ZBTB7C: variants seen among roughly 807,000 people sequenced by gnomAD.
The protein encoded by ZBTB7C is zinc finger and BTB domain-containing protein 7C.
A neutral mutation model predicts 25.7 loss-of-function variants in ZBTB7C; 8 were observed. The observed-to-expected ratio is 0.31, with a 90% CI of 0.18 to 0.56. ZBTB7C has a LOEUF of 0.56. Among genes scored for constraint, ZBTB7C ranks in the 20% least tolerant of loss-of-function variants. The probability of loss-of-function intolerance (pLI) is 0.91; values close to 1 mark genes in which losing one functional copy is unlikely to be tolerated. For missense variants in ZBTB7C, 824 were observed against 855.2 expected, an observed-to-expected ratio of 0.96 and a Z score of 0.46; for synonymous variants, 394 against 369.0, an observed-to-expected ratio of 1.07 and a Z score of -0.78.
chr18:48,352,438 G>A (rs1001028329), intron 1 of ZBTB7C, among the ~76,000 whole-genome samples: 5 of 152,172 alleles, frequency 3.3e-5, no homozygotes, highest in African/African-American at 4.8e-5. Flanking sequence ...GGCCCCAAAG[G>A]CCCACTGTTA....
In ZBTB7C at chr18:48,029,792, G is replaced by A. The variant is rs201751816; in HGVS notation, c.1328C>T (p.Thr443Met). Residue 443 changes from threonine (T) to methionine (M), a missense_variant, in exon 5 of 5, where the codon ACG (threonine) becomes ATG (methionine). Physicochemically the swap from Thr to Met is moderately conservative, Grantham distance 81. Transcript: ENST00000590800. ...CTCGCACTGGTAGGGCCGCACGCCC[G>A]TGTGGATGCGCATGTGGTTCTTGAG... ...YDLKNHMRIH[T>M]GVRPYQCEFC... The A allele has an allele frequency of 3.1e-6, 5 of 1,608,724 alleles. No homozygotes were observed. Among genetic ancestry groups the A allele is most frequent in the Non-Finnish European group, 4.2e-6 (5 of 1,180,004 alleles).
At position 48,029,507 on chromosome 18, in the gene ZBTB7C, G is replaced by T; in HGVS notation, c.1613C>A (p.Pro538His). 6.3e-7 allele frequency: 1 copy of T among 1,588,918 alleles called. No individual in the cohort carries two copies. The highest frequency in any genetic ancestry group is 8.5e-7 in the Non-Finnish European group (1 of 1,173,932). Residue 538 changes from proline (P) to histidine (H), a missense_variant, in exon 5 of 5, where the codon CCC becomes CAC. Transcript: ENST00000590800. ...PSPAKHFLAAPKGALSLQELE... is the reference protein window; with the variant it reads ...PSPAKHFLAAHKGALSLQELE... ...CTCTTGCAGGCTCAGGGCGCCCTTG[G>T]GCGCTGCCAGGAAGTGCTTGGCGGG...
At chr18:48,221,530 C>T (rs1464389799) in intron 2 of ZBTB7C, among the ~76,000 whole-genome samples, 2 of 147,882 alleles carry the variant, frequency 1.4e-5, no homozygotes, top group African/African-American at 5.0e-5. Context: ...ATTCTGTCAC[C>T]TAGTCTCCTC....
At chr18:48,150,688 T>C (rs547568592) in intron 3 of ZBTB7C, 23 of 152,134 alleles carry the variant, frequency 1.5e-4, no homozygotes, top group African/African-American at 5.3e-4. Context: ...TCCAAGGCTG[T>C]AGATGCTGTT....
intron 1 of ZBTB7C, among the ~76,000 whole-genome samples, chr18:48,387,024 T>C (rs987767015): frequency 6.6e-6 from 1 of 152,138 alleles, no homozygotes; most frequent in African/African-American, 2.4e-5. Context: ...GTAGGAGGCA[T>C]GTGTGGTGAA....
At chr18:48,180,528 G>T in intron 3 of ZBTB7C, 3 of 362,934 alleles carry the variant, frequency 8.3e-6, no homozygotes, top group Middle Eastern at 9.0e-4. Flanking sequence ...GGGAGGGATG[G>T]TTTCCTTCTC....
At chr18:48,079,648 C>A (rs1289553432) in intron 3 of ZBTB7C, among the ~76,000 whole-genome samples, 2 of 152,228 alleles carry the variant, frequency 1.3e-5, no homozygotes, top group South Asian at 4.1e-4. Flanking sequence ...GAGAAGGCAG[C>A]CAGCTCACCC....
At chr18:48,043,924 G>A (rs1025745808) in intron 3 of ZBTB7C, among the ~76,000 whole-genome samples, 9 of 152,250 alleles carry the variant, frequency 5.9e-5, no homozygotes, top group African/African-American at 2.2e-4. Context: ...GAGAGGAGGG[G>A]GGCGCTTTAC....
intron 2 of ZBTB7C, among the ~76,000 whole-genome samples, chr18:48,206,369 G>A (rs965365295): frequency 3.9e-5 from 6 of 152,182 alleles, no homozygotes; most frequent in African/African-American, 1.4e-4. Flanking sequence ...ATGGTGCTGA[G>A]TCAACTGGAT....
intron 3 of ZBTB7C, among the ~76,000 whole-genome samples, chr18:48,118,280 A>G (rs897667087): frequency 2.6e-5 from 4 of 152,318 alleles, no homozygotes; most frequent in African/African-American, 9.6e-5. Flanking sequence ...TGCTGGGATT[A>G]CAGGCGTGAG....
At chr18:48,201,026 C>T (rs2042432928) in intron 2 of ZBTB7C, among the ~76,000 whole-genome samples, 2 of 152,184 alleles carry the variant, frequency 1.3e-5, no homozygotes, top group South Asian at 4.1e-4. Context: ...ATGTGGGCAT[C>T]GCACCTGCGC....
chr18:48,228,792 C>T (rs980461421), intron 2 of ZBTB7C, among the ~76,000 whole-genome samples: 2 of 151,546 alleles, frequency 1.3e-5, no homozygotes, highest in East Asian at 1.9e-4. Context: ...CATACACACT[C>T]GTACATGAAC....
chr18:48,184,980 G>A (rs763194809), intron 3 of ZBTB7C, among the ~76,000 whole-genome samples: 5 of 152,006 alleles, frequency 3.3e-5, no homozygotes, highest in Non-Finnish European at 5.9e-5. Flanking sequence ...TTTTCATATC[G>A]TGGAGTGGCC....
At chr18:48,095,018 TG>T (rs1283799098) in intron 3 of ZBTB7C, among the ~76,000 whole-genome samples, 5 of 152,264 alleles carry the variant, frequency 3.3e-5, no homozygotes, top group African/African-American at 1.2e-4. Context: ...AAGGCATTTC[TG>T]GGTTATTCTT....
intron 3 of ZBTB7C, among the ~76,000 whole-genome samples, chr18:48,143,778 G>T (rs76844929): frequency 7.7e-4 from 117 of 152,314 alleles, no homozygotes; most frequent in African/African-American, 2.7e-3. Context: ...CAAGAATCCT[G>T]TTAAGTCAGT....
At chr18:48,232,325 G>A (rs1490312614) in intron 2 of ZBTB7C, among the ~76,000 whole-genome samples, 1 of 152,204 alleles carries the variant, frequency 6.6e-6, no homozygotes, top group Non-Finnish European at 1.5e-5. Context: ...AACCTTAAGA[G>A]AGAGCCCAGC....
chr18:48,244,079 A>G (rs886902426), intron 2 of ZBTB7C, among the ~76,000 whole-genome samples: 1 of 152,236 alleles, frequency 6.6e-6, no homozygotes, highest in East Asian at 1.9e-4. Context: ...ATTCTAGAAG[A>G]TAACATCACA....
At chr18:48,184,514 G>A (rs1032026883) in intron 3 of ZBTB7C, among the ~76,000 whole-genome samples, 1 of 152,164 alleles carries the variant, frequency 6.6e-6, no homozygotes, top group Non-Finnish European at 1.5e-5. Flanking sequence ...GTACCTTCAA[G>A]AGTGCTGCAA....
intron 1 of ZBTB7C, among the ~76,000 whole-genome samples, chr18:48,400,478 T>G (rs1290961992): frequency 2.0e-5 from 3 of 152,222 alleles, no homozygotes; most frequent in African/African-American, 7.2e-5. Context: ...ACAAAAGTCC[T>G]GTCTCAGGCC....
Sources: gnomAD v4.1 joint callset for allele counts (sites outside exome capture counted in the v4.1 genomes callset) on GRCh38, gnomAD v4.1.1 for gene constraint, MANE v1.5 for transcripts, NCBI Gene and HGNC (gene_info 2026-07-23, HGNC 2026-07-21) for gene names.